The following SYN3 variants were observed in gnomAD, a reference collection of about 807,000 sequenced individuals.
SYN3 encodes the protein synapsin III.
A neutral mutation model predicts 65.8 loss-of-function variants in SYN3; 35 were observed. The observed-to-expected ratio is 0.53, with a 90% confidence interval of 0.41 to 0.70. The LOEUF (loss-of-function observed/expected upper bound fraction) is 0.70, where lower values mean the gene tolerates loss of function less well. Among genes scored for constraint, SYN3 ranks in the 30% least tolerant of loss-of-function variants. SYN3 has a pLI of 0.00. For missense variants in SYN3, 680 were observed against 749.0 expected, an observed-to-expected ratio of 0.91 and a Z score of 1.08; for synonymous variants, 270 against 292.9, an observed-to-expected ratio of 0.92 and a Z score of 0.80.
intron 12 of SYN3, among the ~76,000 whole-genome samples, chr22:32,521,479 C>G (rs908996647): frequency 1.4e-5 from 2 of 138,596 alleles, no homozygotes; most frequent in Non-Finnish European, 3.0e-5. Flanking sequence ...GAGTCTTGCA[C>G]TATTATCCGG....
At chr22:32,623,511 T>C (rs1242752736) in intron 6 of SYN3, among the ~76,000 whole-genome samples, 1 of 152,166 alleles carries the variant, frequency 6.6e-6, no homozygotes, top group Non-Finnish European at 1.5e-5. Context: ...TTTGAAAATA[T>C]GTATTGTGCA....
At chr22:33,029,931 T>C (rs1434929469) in intron 1 of SYN3, among the ~76,000 whole-genome samples, 1 of 152,210 alleles carries the variant, frequency 6.6e-6, no homozygotes, top group Non-Finnish European at 1.5e-5. Context: ...GGTTCACGTC[T>C]CTGTTCCCTC....
chr22:32,915,742 C>A (rs1265357340), intron 4 of SYN3, among the ~76,000 whole-genome samples: 1 of 152,096 alleles, frequency 6.6e-6, no homozygotes, highest in Non-Finnish European at 1.5e-5. Flanking sequence ...GTTTTGCAAA[C>A]CATAGTCAGG....
chr22:32,516,605 A>G (rs774750530), intron 13 of SYN3, among the ~76,000 whole-genome samples: 22 of 152,142 alleles, frequency 1.4e-4, no homozygotes, highest in Non-Finnish European at 2.2e-4. Flanking sequence ...CTCAGGTGGG[A>G]TCCACCCACC....
chr22:32,726,591 C>G (rs1457642075), intron 6 of SYN3, among the ~76,000 whole-genome samples: 1 of 152,202 alleles, frequency 6.6e-6, no homozygotes, highest in Non-Finnish European at 1.5e-5. Flanking sequence ...CCTAGTGCAT[C>G]TGAATCAGCC....
intron 3 of SYN3, among the ~76,000 whole-genome samples, chr22:32,965,732 T>G (rs541255519): frequency 2.6e-5 from 4 of 152,248 alleles, no homozygotes; most frequent in South Asian, 2.1e-4. Flanking sequence ...GTCTCGCTCT[T>G]TCGCCCAGGC....
intron 6 of SYN3, among the ~76,000 whole-genome samples, chr22:32,761,488 G>C (rs1242125299): frequency 3.9e-5 from 6 of 152,202 alleles, no homozygotes; most frequent in Non-Finnish European, 8.8e-5. Flanking sequence ...AAGGGAGTGG[G>C]GGGACAACAG....
intron 4 of SYN3, among the ~76,000 whole-genome samples, chr22:32,875,775 G>C (rs755494695): frequency 1.3e-5 from 2 of 152,144 alleles, no homozygotes; most frequent in African/African-American, 2.4e-5. Context: ...GGCAAGGAAG[G>C]ATCCTCCCCT....
chr22:32,843,374 G>A (rs1395198542), intron 6 of SYN3, among the ~76,000 whole-genome samples: 1 of 152,238 alleles, frequency 6.6e-6, no homozygotes, highest in East Asian at 1.9e-4. Context: ...GCAGCTGGAA[G>A]AGTGAGAGAG....
chr22:32,769,640 C>T (rs972237297), intron 6 of SYN3, among the ~76,000 whole-genome samples: 5 of 152,042 alleles, frequency 3.3e-5, no homozygotes. Context: ...CCTCAGCCTT[C>T]CTGAGTAGCT....
intron 2 of SYN3, among the ~76,000 whole-genome samples, chr22:33,004,101 C>T (rs1188403986): frequency 6.6e-6 from 1 of 152,234 alleles, no homozygotes; most frequent in Non-Finnish European, 1.5e-5. Context: ...TGTATGGAAA[C>T]ACTTGGGTGT....
chr22:32,677,657 C>G (rs1192669609), intron 6 of SYN3, among the ~76,000 whole-genome samples: 2 of 151,952 alleles, frequency 1.3e-5, no homozygotes, highest in Admixed American at 1.3e-4. Flanking sequence ...AAAAATTAGC[C>G]GGTCGTGGTG....
chr22:32,951,646 C>G (rs1274938494), intron 3 of SYN3, among the ~76,000 whole-genome samples: 1 of 152,212 alleles, frequency 6.6e-6, no homozygotes, highest in Non-Finnish European at 1.5e-5. Context: ...GACTGTTCCC[C>G]AAGTTCCACC....
chr22:32,580,130 A>G (rs897186822), intron 7 of SYN3, among the ~76,000 whole-genome samples: 4 of 152,274 alleles, frequency 2.6e-5, no homozygotes, highest in Non-Finnish European at 5.9e-5. Flanking sequence ...CAGAGCTTAC[A>G]GCCTGGTTGG....
chr22:33,024,194 C>A (rs576491451), intron 1 of SYN3, among the ~76,000 whole-genome samples: 1 of 152,222 alleles, frequency 6.6e-6, no homozygotes, highest in Non-Finnish European at 1.5e-5. Context: ...GACCACCCAC[C>A]AGCACCCTCC....
intron 6 of SYN3, among the ~76,000 whole-genome samples, chr22:32,724,802 A>C (rs1244216497): frequency 1.3e-5 from 2 of 151,986 alleles, no homozygotes; most frequent in African/African-American, 4.8e-5. Context: ...CAGGGAGGAG[A>C]GGGCTGCTGA....
intron 3 of SYN3, among the ~76,000 whole-genome samples, chr22:32,955,376 G>A (rs1359602140): frequency 6.6e-6 from 1 of 152,056 alleles, no homozygotes; most frequent in African/African-American, 2.4e-5. Flanking sequence ...AGGGGGTGGG[G>A]GGCAAGCATT....
intron 6 of SYN3, among the ~76,000 whole-genome samples, chr22:32,791,637 G>C (rs1446732551): frequency 6.6e-6 from 1 of 151,334 alleles, no homozygotes; most frequent in Non-Finnish European, 1.5e-5. Flanking sequence ...GTAGTTAAGA[G>C]GATGGGCTCT....
intron 4 of SYN3, among the ~76,000 whole-genome samples, chr22:32,881,570 C>A (rs578139643): frequency 1.2e-3 from 181 of 152,294 alleles, no homozygotes; most frequent in Non-Finnish European, 5.1e-4. Context: ...CCATCTCCGC[C>A]CCCAGAGCAC....
Sources: gnomAD v4.1 joint callset for allele counts (sites outside exome capture counted in the v4.1 genomes callset) on GRCh38, gnomAD v4.1.1 for gene constraint, MANE v1.5 for transcripts, NCBI Gene and HGNC (gene_info 2026-07-23, HGNC 2026-07-21) for gene names.